Variants in L3MBTL4 observed in about 807,000 individuals in gnomAD.
The protein encoded by L3MBTL4 is L3MBTL histone methyl-lysine binding protein 4, also known as lethal(3)malignant brain tumor-like protein 4.
L3MBTL4 carries 70 observed loss-of-function variants against 84.5 expected under a neutral mutation model. The observed-to-expected ratio is 0.83, with a 90% CI of 0.68 to 1.01. L3MBTL4 has a LOEUF of 1.01. L3MBTL4 is among the 50% of genes least tolerant of loss of function. L3MBTL4 has a pLI of 0.00. For missense variants in L3MBTL4, 715 were observed against 754.8 expected, an observed-to-expected ratio of 0.95 and a Z score of 0.62; for synonymous variants, 274 against 259.8, an observed-to-expected ratio of 1.05 and a Z score of -0.52.
At chr18:6,135,697 T>C (rs1325382551) in intron 14 of L3MBTL4, among the ~76,000 whole-genome samples, 1 of 152,166 alleles carries the variant, frequency 6.6e-6, no homozygotes, top group East Asian at 1.9e-4. Context: ...GCCTTATTGT[T>C]CATATCACTA....
chr18:6,135,506 A>C (rs1166217036), intron 14 of L3MBTL4, among the ~76,000 whole-genome samples: 2 of 152,190 alleles, frequency 1.3e-5, no homozygotes, highest in Non-Finnish European at 2.9e-5. Context: ...TCAACTTTTG[A>C]ATGCTTTGCT....
At chr18:6,257,251 C>T (rs1568391269) in intron 5 of L3MBTL4, among the ~76,000 whole-genome samples, 1 of 152,014 alleles carries the variant, frequency 6.6e-6, no homozygotes, top group Non-Finnish European at 1.5e-5. Flanking sequence ...GCAAACAATA[C>T]GAACCTCTCC....
intron 5 of L3MBTL4, among the ~76,000 whole-genome samples, chr18:6,244,822 G>A (rs1378137016): frequency 3.3e-5 from 5 of 152,218 alleles, no homozygotes; most frequent in Admixed American, 6.5e-5. Context: ...TGATGGATGT[G>A]TGAGTATGCT....
intron 13 of L3MBTL4, among the ~76,000 whole-genome samples, chr18:6,153,044 T>C (rs1408721665): frequency 6.6e-6 from 1 of 152,216 alleles, no homozygotes; most frequent in Non-Finnish European, 1.5e-5. Flanking sequence ...CTTGACCATA[T>C]ACATGGGTTT....
At chr18:6,057,363 A>G (rs941204271) in intron 16 of L3MBTL4, among the ~76,000 whole-genome samples, 3 of 152,210 alleles carry the variant, frequency 2.0e-5, no homozygotes, top group African/African-American at 7.2e-5. Flanking sequence ...ATAACAGAAT[A>G]AAAACTAGGC....
intron 12 of L3MBTL4, among the ~76,000 whole-genome samples, chr18:6,207,833 C>G (rs551855661): frequency 6.6e-6 from 1 of 152,112 alleles, no homozygotes; most frequent in Admixed American, 6.5e-5. Context: ...AGGCCAGGTG[C>G]GACGTCTCAC....
chr18:5,965,605 A>G (rs141722741), intron 17 of L3MBTL4, among the ~76,000 whole-genome samples: 7 of 151,988 alleles, frequency 4.6e-5, no homozygotes, highest in Middle Eastern at 3.4e-3. Context: ...GCAGCCCCAC[A>G]CTCTGCTGTG....
In L3MBTL4 at chr18:5,969,577, G is replaced by A. The variant is rs775682221; in HGVS notation, c.1445-15C>T. ...CACCGAGTATTCTGTAAGAGAGGTG[G>A]GGTGGGGTGAGGCTCAGGCTCCCAG... On this transcript the variant is annotated splice_polypyrimidine_tract_variant and intron_variant, in intron 16 of 18. Coordinates refer to ENST00000317931, the MANE Select transcript of L3MBTL4 (RefSeq NM_001330559.2). The A allele has an allele frequency of 8.4e-5, 133 of 1,578,178 alleles. No individual in the cohort carries two copies. The highest frequency in any genetic ancestry group is 1.1e-4 in the Non-Finnish European group (128 of 1,158,808).
intron 16 of L3MBTL4, among the ~76,000 whole-genome samples, chr18:5,985,869 C>A (rs894394318): frequency 6.6e-6 from 1 of 152,090 alleles, no homozygotes; most frequent in African/African-American, 2.4e-5. Flanking sequence ...ACAAATGGAC[C>A]AGGAGAGAAG....
chr18:6,219,349 C>G (rs1040542200), intron 10 of L3MBTL4, among the ~76,000 whole-genome samples: 2 of 151,596 alleles, frequency 1.3e-5, no homozygotes, highest in Non-Finnish European at 2.9e-5. Context: ...AGCGAGAGGG[C>G]GGGACTGTAA....
intron 18 of L3MBTL4, among the ~76,000 whole-genome samples, chr18:5,957,014 T>A (rs982831843): frequency 6.6e-6 from 1 of 152,250 alleles, no homozygotes; most frequent in South Asian, 2.1e-4. Flanking sequence ...TGTATACATA[T>A]GCATATTTAA....
intron 13 of L3MBTL4, among the ~76,000 whole-genome samples, chr18:6,155,025 C>A (rs1339679924): frequency 6.6e-6 from 1 of 152,164 alleles, no homozygotes; most frequent in Non-Finnish European, 1.5e-5. Context: ...AACCATATTT[C>A]TTTTACTCTG....
At chr18:6,286,506 T>TA (rs997472889) in intron 4 of L3MBTL4, among the ~76,000 whole-genome samples, 4 of 151,362 alleles carry the variant, frequency 2.6e-5, no homozygotes, top group African/African-American at 7.3e-5. Flanking sequence ...TAAAAAATAA[T>TA]AAAAAAATAA....
chr18:6,190,198 T>A lies in L3MBTL4; in HGVS notation c.982-18256A>T, dbSNP rs190331036. Among the ~76,000 whole-genome samples the A allele has an allele frequency of 7.2e-4, 110 of 152,232 alleles. 3 individuals carry two copies. The South Asian group carries it at 0.018, about 25-fold the overall frequency. ...ACTGTATGACCGCATTCATAAGAAA[T>A]ACATGACTCCATTAATAAGAACAGG... On this transcript the variant is annotated intron_variant, in intron 12 of 18. Transcript: ENST00000317931.
chr18:6,085,320 C>T (rs1011747601), intron 15 of L3MBTL4, among the ~76,000 whole-genome samples: 1 of 152,052 alleles, frequency 6.6e-6, no homozygotes, highest in African/African-American at 2.4e-5. Context: ...TGCATTGGGT[C>T]TGTTTGTGTT....
intron 4 of L3MBTL4, among the ~76,000 whole-genome samples, chr18:6,285,828 T>TATTATTATTATTATC: frequency 6.9e-6 from 1 of 144,944 alleles, no homozygotes; most frequent in African/African-American, 2.5e-5. Context: ...TTATTATTAT[T>TATTATTATTATTATC]ATTATTATTA....
intron 16 of L3MBTL4, among the ~76,000 whole-genome samples, chr18:6,034,287 T>C (rs2055995349): frequency 6.6e-6 from 1 of 152,074 alleles, no homozygotes; most frequent in South Asian, 2.1e-4. Context: ...CCCAATGTTA[T>C]CCCTCCCCGC....
intron 1 of L3MBTL4, among the ~76,000 whole-genome samples, chr18:6,344,650 C>T (rs1012465059): frequency 2.6e-5 from 4 of 152,030 alleles, no homozygotes; most frequent in Non-Finnish European, 2.9e-5. Flanking sequence ...AAAATACTGG[C>T]AAATTTAACA....
chr18:6,286,929 G>A (rs888911161), intron 4 of L3MBTL4, among the ~76,000 whole-genome samples: 1 of 152,158 alleles, frequency 6.6e-6, no homozygotes, highest in African/African-American at 2.4e-5. Context: ...CTTTTCATCA[G>A]AGAGCTGAAT....
Sources: gnomAD v4.1 joint callset for allele counts (sites outside exome capture counted in the v4.1 genomes callset) on GRCh38, gnomAD v4.1.1 for gene constraint, MANE v1.5 for transcripts, NCBI Gene and HGNC (gene_info 2026-07-23, HGNC 2026-07-21) for gene names.